GRM1: variants seen among roughly 807,000 people sequenced by gnomAD.
GRM1 encodes metabotropic glutamate receptor 1.
Under a neutral mutation model 90.9 loss-of-function variants are expected in GRM1, and 33 were observed. That is an observed-to-expected ratio of 0.36 (90% confidence interval 0.28 to 0.49). The LOEUF (loss-of-function observed/expected upper bound fraction) is 0.49. Among genes scored for constraint, GRM1 ranks in the 20% least tolerant of loss-of-function variants. The probability of loss-of-function intolerance (pLI) is 0.99; values close to 1 mark genes in which losing one functional copy is unlikely to be tolerated. For synonymous variants in GRM1, 700 were observed against 613.2 expected (o/e 1.14, Z -2.09); for missense variants, 1,190 against 1,534.3 (o/e 0.78, Z 3.75).
intron 3 of GRM1, among the ~76,000 whole-genome samples, chr6:146,347,966 T>G (rs1785243935): frequency 6.6e-6 from 1 of 152,372 alleles, no homozygotes; most frequent in East Asian, 1.9e-4. Context: ...CCAAGGCAGC[T>G]ATTTTCATAA....
intron 1 of GRM1, among the ~76,000 whole-genome samples, chr6:146,055,289 G>A (rs979913940): frequency 2.0e-5 from 3 of 152,086 alleles, no homozygotes; most frequent in African/African-American, 7.2e-5. Context: ...TGGCACATAA[G>A]GAAGTTCTGT....
chr6:146,116,959 G>A (rs964917333), intron 1 of GRM1, among the ~76,000 whole-genome samples: 3 of 151,758 alleles, frequency 2.0e-5, no homozygotes, highest in African/African-American at 7.3e-5. Flanking sequence ...TATTTCCAAT[G>A]TGGTTTACTT....
In GRM1 at chr6:146,145,133, A is replaced by C. The variant is rs1161737381; in HGVS notation, c.701-14215A>C. Among the ~76,000 whole-genome samples, 4 of 152,222 alleles carry C rather than the reference A, an allele frequency of 2.6e-5. No homozygotes were observed. The East Asian group carries it at 7.7e-4, about 29-fold the overall frequency. On this transcript the variant is annotated intron_variant, in intron 1 of 7. Coordinates refer to ENST00000282753, the MANE Select transcript of GRM1 (RefSeq NM_001278064.2). Reference sequence around the variant, plus strand: ...TTCAGGAAAAAAGGAATGATTTAAAAACAAAATACATAATTAAAAGGGAAG... The same window carrying C: ...TTCAGGAAAAAAGGAATGATTTAAACACAAAATACATAATTAAAAGGGAAG...
chr6:146,223,793 C>T (rs1431386189), intron 2 of GRM1, among the ~76,000 whole-genome samples: 1 of 152,122 alleles, frequency 6.6e-6, no homozygotes, highest in African/African-American at 2.4e-5. Flanking sequence ...AGTCTTCATA[C>T]ACCACATGCA....
chr6:146,408,204 C>T (rs933683868), intron 7 of GRM1, among the ~76,000 whole-genome samples: 12 of 152,080 alleles, frequency 7.9e-5, no homozygotes, highest in Admixed American at 4.6e-4. Context: ...GCACTGATTC[C>T]TTCATGAGGG....
chr6:146,085,588 G>A (rs530281634), intron 1 of GRM1, among the ~76,000 whole-genome samples: 7 of 152,154 alleles, frequency 4.6e-5, no homozygotes, highest in South Asian at 4.2e-4. Context: ...TTTTATTTCA[G>A]TATCTTCTCA....
chr6:146,245,362 C>G (rs1426513301), intron 2 of GRM1, among the ~76,000 whole-genome samples: 1 of 152,094 alleles, frequency 6.6e-6, no homozygotes, highest in African/African-American at 2.4e-5. Context: ...ACAATTATAC[C>G]AGGCAAAACA....
chr6:146,158,258 A>G (rs1211638773), intron 1 of GRM1, among the ~76,000 whole-genome samples: 2 of 152,224 alleles, frequency 1.3e-5, no homozygotes, highest in Middle Eastern at 3.2e-3. Context: ...GAGGTAGACT[A>G]TGAAATCTAA....
intron 5 of GRM1, among the ~76,000 whole-genome samples, chr6:146,382,296 T>C (rs1288114006): frequency 2.1e-5 from 3 of 139,940 alleles, no homozygotes; most frequent in Non-Finnish European, 4.6e-5. Context: ...CTAGAACATA[T>C]ATAAGAGATA....
chr6:146,158,056 C>G (rs1460404382), intron 1 of GRM1, among the ~76,000 whole-genome samples: 1 of 151,912 alleles, frequency 6.6e-6, no homozygotes, highest in Non-Finnish European at 1.5e-5. Flanking sequence ...GTATAATTTC[C>G]TTGTGCTATT....
intron 2 of GRM1, among the ~76,000 whole-genome samples, chr6:146,215,675 G>A (rs1214694689): frequency 6.6e-6 from 1 of 151,258 alleles, no homozygotes; most frequent in African/African-American, 2.4e-5. Context: ...TCTCCTTTAT[G>A]ATGTGCTTAT....
chr6:146,426,671 T>C (rs1778223908), intron 7 of GRM1: 3 of 1,115,366 alleles, frequency 2.7e-6, no homozygotes, highest in Non-Finnish European at 2.7e-6. Flanking sequence ...GAAAATCTAG[T>C]GTTTTGCCCC....
chr6:146,140,544 T>C (rs1257275409), intron 1 of GRM1, among the ~76,000 whole-genome samples: 2 of 152,198 alleles, frequency 1.3e-5, no homozygotes, highest in African/African-American at 4.8e-5. Context: ...TCTGGGATTA[T>C]AGGCATGAGC....
intron 2 of GRM1, among the ~76,000 whole-genome samples, chr6:146,225,195 G>A (rs989660256): frequency 5.9e-5 from 9 of 152,110 alleles, no homozygotes; most frequent in East Asian, 1.9e-4. Context: ...GTGGGAGTGC[G>A]ATCCTCTTGT....
chr6:146,117,202 T>A (rs1467289327), intron 1 of GRM1, among the ~76,000 whole-genome samples: 1 of 151,476 alleles, frequency 6.6e-6, no homozygotes, highest in Non-Finnish European at 1.5e-5. Flanking sequence ...CTATTAATAT[T>A]TTGATAATGC....
chr6:146,250,617 T>A (rs1020157694), intron 2 of GRM1, among the ~76,000 whole-genome samples: 9 of 152,242 alleles, frequency 5.9e-5, no homozygotes, highest in African/African-American at 2.2e-4. Flanking sequence ...TGTATTAGTG[T>A]GTTTTCACAC....
At position 146,357,744 on chromosome 6, in the gene GRM1, C is replaced by T. The variant is rs1271340838; in HGVS notation, c.1602+50C>T. ...TGGTATCTGTGAGGAGGTTGGCTGC[C>T]TGGACATTAGTAAAGAACAACACAG... On this transcript the variant is annotated intron_variant, in intron 5 of 7. Coordinates refer to ENST00000282753, the MANE Select transcript of GRM1 (RefSeq NM_001278064.2). The T allele has an allele frequency of 5.7e-6, 8 of 1,412,998 alleles. No individual in the cohort carries two copies. The East Asian group carries it at 1.8e-4, about 32-fold the overall frequency. The allele number at this position is 1,412,998 out of a possible 1,614,324, so 87.5% of individuals were successfully genotyped here.
intron 7 of GRM1, among the ~76,000 whole-genome samples, chr6:146,400,005 C>T (rs538346672): frequency 6.6e-6 from 1 of 152,322 alleles, no homozygotes; most frequent in South Asian, 2.1e-4. Flanking sequence ...CAGTAACTTA[C>T]CCTTTCGCAT....
chr6:146,192,938 T>A (rs912505427), intron 2 of GRM1, among the ~76,000 whole-genome samples: 3 of 152,088 alleles, frequency 2.0e-5, no homozygotes, highest in Non-Finnish European at 4.4e-5. Context: ...ATGACCGGCA[T>A]AGAAGAAATA....
Sources: gnomAD v4.1 joint callset for allele counts (sites outside exome capture counted in the v4.1 genomes callset) on GRCh38, gnomAD v4.1.1 for gene constraint, MANE v1.5 for transcripts, NCBI Gene and HGNC (gene_info 2026-07-23, HGNC 2026-07-21) for gene names.